Variants in NRG2 observed in about 807,000 individuals in gnomAD.
The protein encoded by NRG2 is pro-neuregulin-2, membrane-bound isoform.
In NRG2, 27 loss-of-function variants were observed where a neutral mutation model predicts 73.9. That is an observed-to-expected ratio of 0.37 (90% CI 0.27 to 0.50). The LOEUF is 0.50. Among genes scored for constraint, NRG2 ranks in the 20% least tolerant of loss-of-function variants. The pLI, the probability that NRG2 is intolerant of heterozygous loss-of-function variation, is 0.96. For missense variants in NRG2, 1,126 were observed against 1,210.1 expected, an observed-to-expected ratio of 0.93 and a Z score of 1.03; for synonymous variants, 532 against 541.0, an observed-to-expected ratio of 0.98 and a Z score of 0.23.
chr5:139,968,154 C>CCA (rs1423661958), intron 1 of NRG2, among the ~76,000 whole-genome samples: 3 of 152,114 alleles, frequency 2.0e-5, no homozygotes, highest in Non-Finnish European at 2.9e-5. Context: ...TCAGGCCTTC[C>CCA]CACTCTCCGA....
At chr5:139,971,428 C>G (rs1755962580) in intron 1 of NRG2, among the ~76,000 whole-genome samples, 1 of 152,178 alleles carries the variant, frequency 6.6e-6, no homozygotes, top group African/African-American at 2.4e-5. Flanking sequence ...GCCCACCATT[C>G]TTCACCCAAA....
At chr5:139,871,412 TG>T (rs1762842824) in intron 4 of NRG2, among the ~76,000 whole-genome samples, 1 of 152,024 alleles carries the variant, frequency 6.6e-6, no homozygotes, top group Non-Finnish European at 1.5e-5. Context: ...AGAAACCCAG[TG>T]CCCAGTGCCT....
At chr5:140,028,611 GAC>G (rs1421489514) in intron 1 of NRG2, among the ~76,000 whole-genome samples, 2 of 152,190 alleles carry the variant, frequency 1.3e-5, no homozygotes, top group Non-Finnish European at 2.9e-5. Flanking sequence ...CATAATAGAT[GAC>G]ACATTGGCCA....
intron 1 of NRG2, among the ~76,000 whole-genome samples, chr5:139,931,729 G>A (rs921852289): frequency 6.6e-6 from 1 of 152,150 alleles, no homozygotes; most frequent in Non-Finnish European, 1.5e-5. Context: ...CAGAGCTAAG[G>A]TGTACAAATT....
At chr5:139,857,108 C>T (rs974571626) in intron 5 of NRG2, among the ~76,000 whole-genome samples, 7 of 152,238 alleles carry the variant, frequency 4.6e-5, no homozygotes, top group African/African-American at 1.4e-4. Context: ...CAGCTGCTCT[C>T]CTCCTTCTGG....
chr5:139,970,384 A>T (rs969729824), intron 1 of NRG2, among the ~76,000 whole-genome samples: 2 of 152,156 alleles, frequency 1.3e-5, no homozygotes, highest in African/African-American at 4.8e-5. Context: ...AAAACCTCAC[A>T]TGATAAGGAG....
At chr5:140,016,216 G>A (rs1304055881) in intron 1 of NRG2, among the ~76,000 whole-genome samples, 1 of 152,202 alleles carries the variant, frequency 6.6e-6, no homozygotes, top group Non-Finnish European at 1.5e-5. Context: ...GAGAGCTTGT[G>A]TGAATCTGGA....
intron 1 of NRG2, among the ~76,000 whole-genome samples, chr5:139,970,955 T>A (rs1406039314): frequency 6.6e-6 from 1 of 152,198 alleles, no homozygotes; most frequent in Non-Finnish European, 1.5e-5. Context: ...TTCTTTTTTT[T>A]TTATTTTTTC....
At chr5:139,903,567 A>C (rs973153201) in intron 1 of NRG2, among the ~76,000 whole-genome samples, 1 of 152,016 alleles carries the variant, frequency 6.6e-6, no homozygotes, top group Non-Finnish European at 1.5e-5. Flanking sequence ...AGACCAGTGC[A>C]CTCCTCTTTG....
rs554527222 is a variant in NRG2 at position 139,988,159 on chromosome 5, GT to G, written c.700+54210del. Among the ~76,000 whole-genome samples the G allele has an allele frequency of 1.6e-3, 240 of 152,138 alleles. 2 individuals are homozygous for G. Among genetic ancestry groups the G allele is most frequent in the African/African-American group, 4.8e-3 (198 of 41,544 alleles). On this transcript the variant is annotated intron_variant, in intron 1 of 9. Transcript: ENST00000361474. Reference sequence around the variant, plus strand: ...CAGAACATGACAACACCAAATGCTGGTGAGGATGTGGAGCAACAGGAATTCT... The same window carrying G: ...CAGAACATGACAACACCAAATGCTGGGAGGATGTGGAGCAACAGGAATTCT...
intron 1 of NRG2, among the ~76,000 whole-genome samples, chr5:139,968,236 T>G (rs1580839867): frequency 2.0e-5 from 3 of 149,266 alleles, no homozygotes; most frequent in Non-Finnish European, 3.0e-5. Context: ...TGAGAAGGGG[T>G]GAGAAGGGAA....
intron 1 of NRG2, among the ~76,000 whole-genome samples, chr5:139,899,043 A>C (rs1397318095): frequency 6.6e-6 from 1 of 152,224 alleles, no homozygotes; most frequent in East Asian, 1.9e-4. Context: ...ATCTCTTGCC[A>C]GGGTCAGCCT....
At chr5:139,993,352 T>C (rs1194862973) in intron 1 of NRG2, among the ~76,000 whole-genome samples, 1 of 152,214 alleles carries the variant, frequency 6.6e-6, no homozygotes, top group Non-Finnish European at 1.5e-5. Context: ...TCTTCCTCAC[T>C]GCGTTTTAGC....
At chr5:139,942,227 C>T (rs970544005) in intron 1 of NRG2, among the ~76,000 whole-genome samples, 24 of 152,108 alleles carry the variant, frequency 1.6e-4, no homozygotes, top group African/African-American at 5.6e-4. Flanking sequence ...TGGTTAAGTT[C>T]CTAAGAGTGA....
At chr5:139,893,099 A>G (rs1356219812) in intron 1 of NRG2, among the ~76,000 whole-genome samples, 1 of 152,262 alleles carries the variant, frequency 6.6e-6, no homozygotes, top group Non-Finnish European at 1.5e-5. Context: ...AATTACCAAC[A>G]GAGAGAAAGC....
chr5:140,001,699 CAAAA>C (rs71574478), intron 1 of NRG2, among the ~76,000 whole-genome samples: 2 of 133,134 alleles, frequency 1.5e-5, no homozygotes, highest in African/African-American at 2.8e-5. Context: ...CTATCTCCAC[CAAAA>C]AAAAAAAAAA....
rs1354906399 is a variant in NRG2, at chr5:139,954,981, G to A, written c.701-67470C>T. Among the ~76,000 whole-genome samples, 1 of 152,118 alleles carries A rather than the reference G, an allele frequency of 6.6e-6. No individual in the cohort carries two copies. The highest frequency in any genetic ancestry group is 1.5e-5 in the Non-Finnish European group (1 of 68,038). On this transcript the variant is annotated intron_variant, in intron 1 of 9. Coordinates refer to ENST00000361474, the MANE Select transcript of NRG2 (RefSeq NM_004883.3). The surrounding 1 kb of genome is among the most constrained non-coding windows in gnomAD (Gnocchi z 5.0). ...GTCCCTGACCTGCCCACTCACGATTGTCATCACCCTTCTTCTTGCATTTGC... is the reference window on the plus strand; with the variant it reads ...GTCCCTGACCTGCCCACTCACGATTATCATCACCCTTCTTCTTGCATTTGC...
chr5:139,991,804 A>G (rs145412558), intron 1 of NRG2, among the ~76,000 whole-genome samples: 3,145 of 152,282 alleles, frequency 0.021, 50 homozygotes, highest in Non-Finnish European at 0.031. Flanking sequence ...CAAGTACTAT[A>G]TCATTCTTTA....
intron 1 of NRG2, among the ~76,000 whole-genome samples, chr5:140,037,685 G>A (rs1003558417): frequency 6.6e-6 from 1 of 152,152 alleles, no homozygotes; most frequent in African/African-American, 2.4e-5. Context: ...CAAGGCGGGT[G>A]GATCACGAGG....
Sources: allele counts gnomAD v4.1 joint callset (sites outside exome capture counted in the v4.1 genomes callset), GRCh38; gene constraint gnomAD v4.1.1; non-coding constraint Gnocchi (gnomAD v3.1); transcripts MANE v1.5; gene names NCBI Gene and HGNC (gene_info 2026-07-23, HGNC 2026-07-21).